KCNMB2: variants seen among roughly 807,000 people sequenced by gnomAD.
KCNMB2 encodes calcium-activated potassium channel subunit beta-2.
In KCNMB2, 9 loss-of-function variants were observed where a neutral mutation model predicts 24.5. The ratio of observed to expected loss-of-function variants is 0.37; its 90% CI spans 0.22 to 0.64. The LOEUF is 0.64. Among genes scored for constraint, KCNMB2 ranks in the 30% least tolerant of loss-of-function variants. The pLI, the probability that KCNMB2 is intolerant of heterozygous loss-of-function variation, is 0.63. For missense variants in KCNMB2, 226 were observed against 284.3 expected (o/e 0.79, Z 1.47); for synonymous variants, 109 against 104.4 (o/e 1.04, Z -0.27).
In KCNMB2 at chr3:178,830,800, A is replaced by G. The variant is rs564290378; in HGVS notation, c.423+2427A>G. Among the ~76,000 whole-genome samples the G allele has an allele frequency of 4.6e-5, 7 of 152,282 alleles. No homozygotes were observed. In the East Asian group the frequency reaches 1.2e-3, roughly 25 times the overall value. On this transcript the variant is annotated intron_variant, in intron 4 of 4. Coordinates refer to ENST00000452583, the MANE Select transcript of KCNMB2 (RefSeq NM_181361.3). ...TGGAATTGTTTCTTCTTTACATTCA[A>G]TATAGGAATCATTTAAATATGAACC...
intron 1 of KCNMB2, among the ~76,000 whole-genome samples, chr3:178,562,052 A>C (rs750305803): frequency 6.6e-6 from 1 of 152,360 alleles, no homozygotes; most frequent in Admixed American, 6.5e-5. Context: ...GAACAAATAC[A>C]GTTTCTAGTA....
chr3:178,583,129 T>C (rs887190075), intron 1 of KCNMB2, among the ~76,000 whole-genome samples: 1 of 152,180 alleles, frequency 6.6e-6, no homozygotes, highest in African/African-American at 2.4e-5. Flanking sequence ...AAGTGAACAG[T>C]CTTAAAGTAT....
intron 1 of KCNMB2, among the ~76,000 whole-genome samples, chr3:178,597,353 T>C (rs1717913285): frequency 6.6e-6 from 1 of 152,116 alleles, no homozygotes; most frequent in Non-Finnish European, 1.5e-5. Flanking sequence ...TAGTTTAAAG[T>C]TTATTTCGGA....
chr3:178,829,417 C>G (rs568258417), intron 4 of KCNMB2, among the ~76,000 whole-genome samples: 10 of 152,272 alleles, frequency 6.6e-5, no homozygotes, highest in African/African-American at 2.2e-4. Flanking sequence ...GATAAACCCA[C>G]CTTGAACTTT....
chr3:178,668,241 G>A (rs567696669), intron 1 of KCNMB2, among the ~76,000 whole-genome samples: 4 of 152,110 alleles, frequency 2.6e-5, no homozygotes, highest in Non-Finnish European at 5.9e-5. Context: ...GTAAGGAGAC[G>A]GGGGTGAGCA....
intron 1 of KCNMB2, among the ~76,000 whole-genome samples, chr3:178,707,535 T>C (rs1053023319): frequency 2.0e-5 from 3 of 152,158 alleles, no homozygotes; most frequent in Non-Finnish European, 2.9e-5. Context: ...AAGTGGTGAT[T>C]ACCTCACAGT....
At chr3:178,724,609 G>A (rs140788631) in intron 1 of KCNMB2, among the ~76,000 whole-genome samples, 1,655 of 152,020 alleles carry the variant, frequency 0.011, 31 homozygotes, top group African/African-American at 0.038. Flanking sequence ...ATTTTCTAGG[G>A]TTTCTTCTAG....
At chr3:178,666,294 G>A (rs866968928) in intron 1 of KCNMB2, among the ~76,000 whole-genome samples, 5 of 152,032 alleles carry the variant, frequency 3.3e-5, no homozygotes, top group African/African-American at 1.2e-4. Flanking sequence ...TAAATTTTAA[G>A]GGCCACCTCA....
At chr3:178,546,314 T>C (rs1048508580) in intron 1 of KCNMB2, among the ~76,000 whole-genome samples, 2 of 152,182 alleles carry the variant, frequency 1.3e-5, no homozygotes, top group Non-Finnish European at 2.9e-5. Context: ...AAAACTGGTA[T>C]AAAGAAAACA....
chr3:178,611,612 G>A (rs970732662), intron 1 of KCNMB2, among the ~76,000 whole-genome samples: 2 of 152,146 alleles, frequency 1.3e-5, no homozygotes, highest in Admixed American at 6.5e-5. Context: ...GGCTGAGGCA[G>A]GAGAATGGTG....
intron 1 of KCNMB2, among the ~76,000 whole-genome samples, chr3:178,602,351 G>A (rs1463289171): frequency 6.6e-6 from 1 of 151,984 alleles, no homozygotes; most frequent in Non-Finnish European, 1.5e-5. Flanking sequence ...CCTACTATAT[G>A]CCTGAATAAT....
intron 1 of KCNMB2, among the ~76,000 whole-genome samples, chr3:178,629,476 G>T (rs1278496032): frequency 6.6e-6 from 1 of 152,130 alleles, no homozygotes; most frequent in Admixed American, 6.5e-5. Flanking sequence ...ATGTTACTTG[G>T]TTGGGGTGAG....
At chr3:178,768,865 A>G (rs1243830592) in intron 1 of KCNMB2, among the ~76,000 whole-genome samples, 1 of 152,212 alleles carries the variant, frequency 6.6e-6, no homozygotes, top group African/African-American at 2.4e-5. Flanking sequence ...ATACTCATCA[A>G]TTCAGTGTAT....
chr3:178,704,021 T>A (rs1249678862), intron 1 of KCNMB2, among the ~76,000 whole-genome samples: 3 of 152,162 alleles, frequency 2.0e-5, no homozygotes, highest in African/African-American at 7.2e-5. Context: ...CCAATTGACA[T>A]CAGAACTTGG....
At chr3:178,705,307 C>G (rs1577112388) in intron 1 of KCNMB2, among the ~76,000 whole-genome samples, 2 of 152,166 alleles carry the variant, frequency 1.3e-5, no homozygotes, top group East Asian at 3.9e-4. Flanking sequence ...TCCCAAGCAG[C>G]AAAGAAGGGA....
chr3:178,773,650 T>C (rs1316153082), intron 1 of KCNMB2, among the ~76,000 whole-genome samples: 1 of 152,182 alleles, frequency 6.6e-6, no homozygotes, highest in Non-Finnish European at 1.5e-5. Context: ...CATATTCTTT[T>C]TTGGGACTCC....
intron 1 of KCNMB2, among the ~76,000 whole-genome samples, chr3:178,636,163 C>T (rs1294376729): frequency 6.6e-6 from 1 of 152,154 alleles, no homozygotes; most frequent in Non-Finnish European, 1.5e-5. Context: ...ATTTTCCAAA[C>T]CCAGCCCAGG....
chr3:178,664,355 T>C (rs1485893154), intron 1 of KCNMB2, among the ~76,000 whole-genome samples: 1 of 152,126 alleles, frequency 6.6e-6, no homozygotes, highest in Non-Finnish European at 1.5e-5. Flanking sequence ...GGAGAACAAT[T>C]GAGAGGCTTT....
intron 2 of KCNMB2, among the ~76,000 whole-genome samples, chr3:178,810,902 CTTTTTTT>C (rs56925343): frequency 2.8e-5 from 3 of 107,990 alleles, no homozygotes; most frequent in East Asian, 2.6e-4. Context: ...ACCTGGCTAA[CTTTTTTT>C]TTTTTTTTTT....
Sources: allele counts gnomAD v4.1 joint callset (sites outside exome capture counted in the v4.1 genomes callset), GRCh38; gene constraint gnomAD v4.1.1; transcripts MANE v1.5; gene names NCBI Gene and HGNC (gene_info 2026-07-23, HGNC 2026-07-21).